ALB: variants seen among roughly 807,000 people sequenced by gnomAD.
ALB encodes the protein serum albumin.
ALB carries 37 observed loss-of-function variants against 74.5 expected under a neutral mutation model. That is an observed-to-expected ratio of 0.50 (90% CI 0.38 to 0.65). ALB has a LOEUF of 0.65. Among genes scored for constraint, ALB ranks in the 30% least tolerant of loss-of-function variants. ALB has a pLI of 0.00. For missense variants in ALB, 685 were observed against 718.7 expected (o/e 0.95, Z 0.54); for synonymous variants, 249 against 251.6 (o/e 0.99, Z 0.10).
rs543671214 is a variant in ALB, at chr4:73,414,220, C to T, written c.1058+586C>T. ...TTTGTTGTTGGATTATGATAATGCA[C>T]TAAATAATATTTCCTAAAATTATGT... is the stretch of plus-strand genomic sequence containing the variant. On this transcript the variant is annotated intron_variant, in intron 8 of 14. Transcript: ENST00000295897. 2.6e-5 allele frequency among the ~76,000 whole-genome samples: 4 copies of T among 152,248 alleles called. No homozygotes were observed. In the South Asian group the frequency reaches 8.3e-4, roughly 32 times the overall value.
At chr4:73,420,545 A>G (rs1171243117) in intron 14 of ALB, among the ~76,000 whole-genome samples, 2 of 152,196 alleles carry the variant, frequency 1.3e-5, no homozygotes, top group Non-Finnish European at 2.9e-5. Context: ...ATCAAAGCAT[A>G]GATTAAGTAA....
At chr4:73,406,891 C>A in intron 3 of ALB, 130 bp downstream of exon 3, 2 of 1,036,276 alleles carry the variant, frequency 1.9e-6, no homozygotes, top group South Asian at 1.6e-5. Context: ...TAAAAAGTTG[C>A]TCATAGACTG....
At chr4:73,414,132 AG>A (rs1391433965) in intron 8 of ALB, among the ~76,000 whole-genome samples, 2 of 152,224 alleles carry the variant, frequency 1.3e-5, no homozygotes, top group East Asian at 3.9e-4. Flanking sequence ...GCAATATGGT[AG>A]GCAACTCAAT....
Position 73,419,634 on chromosome 4 carries a change from G to A in ALB, c.1780G>A (p.Glu594Lys), listed in dbSNP as rs79228041. The A allele has an allele frequency of 8.7e-6, 14 of 1,613,972 alleles. No individual in the cohort carries two copies. The highest frequency in any genetic ancestry group is 1.2e-5 in the Non-Finnish European group (14 of 1,179,916). The change falls in exon 13 of 15, where the codon GAG becomes AAG. Residue 594 changes from glutamate to lysine, a missense_variant. Glu to Lys is a moderately conservative substitution (Grantham distance 56). Transcript: ENST00000295897. Reference sequence around the variant, plus strand: ...TGACGATAAGGAGACCTGCTTTGCCGAGGAGGTACTACAGTTCTCTTCATT... The same window carrying A: ...TGACGATAAGGAGACCTGCTTTGCCAAGGAGGTACTACAGTTCTCTTCATT... The part of the protein sequence containing the change: ...KADDKETCFA[E>K]EGKKLVAASQ...
At chr4:73,417,762 TGTG>T in intron 11 of ALB, 93 bp downstream of exon 11, 1 of 1,155,890 alleles carries the variant, frequency 8.7e-7, no homozygotes, top group Non-Finnish European at 1.2e-6. Flanking sequence ...AAGGAAGTAA[TGTG>T]TGTGTGTGCA....
Position 73,418,249 on chromosome 4 carries a change from A to T in ALB, c.1590A>T (p.Thr530=). 6.2e-7 allele frequency: 1 copy of T among 1,614,156 alleles called. No homozygotes were observed. Among genetic ancestry groups the T allele is most frequent in the Non-Finnish European group, 8.5e-7 (1 of 1,180,002 alleles). ...TTCCCAAAGAGTTTAATGCTGAAAC[A>T]TTCACCTTCCATGCAGATATATGCA... ...TYVPKEFNAE[T]FTFHADICTL... Residue 530 remains threonine (T), a synonymous_variant, in exon 12 of 15, where the codon ACA becomes ACT. Transcript: ENST00000295897.
intron 7 of ALB, 140 bp downstream of exon 7, chr4:73,412,265 C>A: frequency 1.9e-6 from 2 of 1,060,618 alleles, no homozygotes; most frequent in Non-Finnish European, 2.9e-6. Context: ...CAATCTTTCC[C>A]TGCCTATGGT....
At chr4:73,421,064 G>T (rs957737758) in intron 14 of ALB, 28 bp from the exon 15 acceptor site, 9 of 680,926 alleles carry the variant, frequency 1.3e-5, no homozygotes, top group Non-Finnish European at 2.1e-5. Flanking sequence ...TTACAAATAA[G>T]ACTTATATTT....
At chr4:73,416,454 T>C (rs541614432) in intron 10 of ALB, 101 bp downstream of exon 10, 2 of 847,550 alleles carry the variant, frequency 2.4e-6, no homozygotes, top group Admixed American at 4.1e-5. Context: ...TGAAAATACA[T>C]TGCATATTTC....
rs745731105 is a variant in ALB at position 73,409,460 on chromosome 4, T to C, written c.588T>C (p.Ala196=). 4 of 1,614,016 alleles carry C rather than the reference T, an allele frequency of 2.5e-6. No individual in the cohort carries two copies. The highest frequency in any genetic ancestry group is 4.5e-5 in the East Asian group (2 of 44,868). Residue 196 remains alanine (A), a synonymous_variant, in exon 5 of 15, where the codon GCT becomes GCC. Transcript: ENST00000295897. ...KAAFTECCQA[A]DKAACLLPKL... is the part of the protein sequence containing the mutation. Reference sequence around the variant, plus strand: ...CTTTTACAGAATGTTGCCAAGCTGCTGATAAAGCTGCCTGCCTGTTGCCAA... The same window carrying C: ...CTTTTACAGAATGTTGCCAAGCTGCCGATAAAGCTGCCTGCCTGTTGCCAA...
At chr4:73,420,779 C>T in intron 14 of ALB, 1 of 310,232 alleles carries the variant, frequency 3.2e-6, no homozygotes, top group South Asian at 6.7e-5. Context: ...TTCAACTCAT[C>T]CTTTCCATTG....
intron 3 of ALB, among the ~76,000 whole-genome samples, chr4:73,407,456 G>A (rs1437685358): frequency 6.6e-6 from 1 of 152,184 alleles, no homozygotes; most frequent in Admixed American, 6.5e-5. Flanking sequence ...TTTCAAGGCT[G>A]AATAATATTC....
rs762887582 is a variant in ALB, at chr4:73,418,139, A to T, written c.1480A>T (p.Ser494Cys). ...LCVLHEKTPV[S>C]DRVTKCCTES... ...TGTGTTGCATGAGAAAACGCCAGTA[A>T]GTGACAGAGTCACCAAATGCTGCAC... is the stretch of plus-strand genomic sequence containing the variant. The change falls in exon 12 of 15, where the codon AGT becomes TGT. Residue 494 changes from serine (S) to cysteine (C), a missense_variant. By Grantham distance (112) the Ser-to-Cys change is moderately radical (BLOSUM62 -1). Transcript: ENST00000295897. The T allele has an allele frequency of 6.2e-7, 1 of 1,614,208 alleles. No individual in the cohort carries two copies. The highest frequency in any genetic ancestry group is 8.5e-7 in the Non-Finnish European group (1 of 1,180,022).
intron 9 of ALB, 101 bp from the exon 10 acceptor site, chr4:73,416,155 G>A: frequency 1.2e-6 from 1 of 830,772 alleles, no homozygotes; most frequent in Non-Finnish European, 2.0e-6. Flanking sequence ...GTGGCTTTGA[G>A]TAGGAAGAAG....
In ALB at chr4:73,418,258, C is replaced by G. The variant is rs745553711; in HGVS notation, c.1599C>G (p.Phe533Leu). The G allele has an allele frequency of 4.3e-6, 7 of 1,614,072 alleles. No homozygotes were observed. In the Admixed American group the frequency reaches 1.2e-4, roughly 27 times the overall value. The change falls in exon 12 of 15, where the codon TTC becomes TTG. Residue 533 changes from phenylalanine to leucine, a missense_variant. By Grantham distance (22) the Phe-to-Leu change is conservative. Transcript: ENST00000295897. ...PKEFNAETFT[F>L]HADICTLSEK... ...AGTTTAATGCTGAAACATTCACCTT[C>G]CATGCAGATATATGCACACTTTCTG...
intron 4 of ALB, chr4:73,409,081 A>C (rs1290882777): frequency 1.7e-5 from 10 of 582,664 alleles, no homozygotes; most frequent in Admixed American, 3.1e-5. Context: ...AGATATGTAT[A>C]TATGGTTGTT....
chr4:73,419,436 C>G, intron 12 of ALB, 71 bp from the exon 13 acceptor site: 2 of 1,509,416 alleles, frequency 1.3e-6, no homozygotes, highest in Non-Finnish European at 1.8e-6. Flanking sequence ...ACCATCCTTA[C>G]TCTCTCCATT....
At chr4:73,413,771 T>G (rs1009780433) in intron 8 of ALB, 137 bp downstream of exon 8, 2 of 819,586 alleles carry the variant, frequency 2.4e-6, no homozygotes, top group African/African-American at 3.4e-5. Context: ...TTTCCCAGGC[T>G]TTAACAATTT....
At chr4:73,408,140 G>T (rs1718779220) in intron 3 of ALB, among the ~76,000 whole-genome samples, 3 of 152,096 alleles carry the variant, frequency 2.0e-5, no homozygotes, top group Admixed American at 2.0e-4. Context: ...ATGATGGATT[G>T]TGTTACTCCT....
Sources: allele counts gnomAD v4.1 joint callset (sites outside exome capture counted in the v4.1 genomes callset), GRCh38; gene constraint gnomAD v4.1.1; transcripts MANE v1.5; gene names NCBI Gene and HGNC (gene_info 2026-07-23, HGNC 2026-07-21).